Variants in TENT4A observed in about 807,000 individuals in gnomAD.
TENT4A encodes the protein terminal nucleotidyltransferase 4A.
TENT4A carries 7 observed loss-of-function variants against 72.8 expected under a neutral mutation model. That is an observed-to-expected ratio of 0.10 (90% CI 0.05 to 0.18). TENT4A has a LOEUF of 0.18. Among genes scored for constraint, TENT4A ranks in the 10% least tolerant of loss-of-function variants. The probability of loss-of-function intolerance (pLI) is 1.00; values close to 1 mark genes in which losing one functional copy is unlikely to be tolerated. For missense variants in TENT4A, 831 were observed against 1,017.7 expected (o/e 0.82, Z 2.50); for synonymous variants, 456 against 434.3 (o/e 1.05, Z -0.62).
At chr5:6,734,934 C>T (rs551488897) in intron 1 of TENT4A, among the ~76,000 whole-genome samples, 42 of 152,328 alleles carry the variant, frequency 2.8e-4, no homozygotes, top group Non-Finnish European at 4.9e-4. Flanking sequence ...GTGTTATCTC[C>T]GTGCTCTTCC....
chr5:6,716,173 G>C (rs1740377083), intron 1 of TENT4A, among the ~76,000 whole-genome samples: 1 of 152,172 alleles, frequency 6.6e-6, no homozygotes, highest in Admixed American at 6.5e-5. Context: ...GTTTCCTCCA[G>C]GTAACTCTAG....
In TENT4A at chr5:6,737,519, G is replaced by A; in HGVS notation, c.726G>A (p.Glu242=). The A allele has an allele frequency of 1.2e-6, 2 of 1,611,810 alleles. No homozygotes were observed. The highest frequency in any genetic ancestry group is 1.7e-6 in the Non-Finnish European group (2 of 1,178,708). ...CTTTTTTGTCCATTAGACTACATGA[G>A]GAAATAATTGACTTTTATAACTTCA... The part of the protein sequence containing the change: ...AYSPGIQGLH[E]EIIDFYNFMS... Residue 242 remains glutamate, a synonymous_variant, in exon 2 of 13, where the codon GAG becomes GAA. Transcript: ENST00000230859.
At chr5:6,747,707 C>T (rs1204103796) in intron 7 of TENT4A, among the ~76,000 whole-genome samples, 1 of 152,150 alleles carries the variant, frequency 6.6e-6, no homozygotes, top group African/African-American at 2.4e-5. Context: ...CCCACATAAT[C>T]GTTGAGTTAT....
At chr5:6,718,081 A>G (rs2126593597) in intron 1 of TENT4A, among the ~76,000 whole-genome samples, 1 of 152,324 alleles carries the variant, frequency 6.6e-6, no homozygotes. Flanking sequence ...CAGCAGGTGT[A>G]TGCAGCTTCC....
chr5:6,750,114 G>T (rs1009080838), intron 9 of TENT4A, among the ~76,000 whole-genome samples: 2 of 152,238 alleles, frequency 1.3e-5, no homozygotes, highest in Non-Finnish European at 2.9e-5. Context: ...CACAGTTGAA[G>T]ATGATTTGCA....
intron 6 of TENT4A, among the ~76,000 whole-genome samples, chr5:6,745,448 G>A (rs531578929): frequency 1.3e-5 from 2 of 152,318 alleles, no homozygotes; most frequent in African/African-American, 2.4e-5. Flanking sequence ...TGCATGGTCC[G>A]GCAAGGGGCA....
chr5:6,737,990 C>G (rs1250981621), intron 2 of TENT4A, among the ~76,000 whole-genome samples: 1 of 150,550 alleles, frequency 6.6e-6, no homozygotes, highest in Non-Finnish European at 1.5e-5. Flanking sequence ...AAATTTCACC[C>G]TGTCACCCAC....
At chr5:6,732,471 G>A (rs895757417) in intron 1 of TENT4A, among the ~76,000 whole-genome samples, 1 of 152,176 alleles carries the variant, frequency 6.6e-6, no homozygotes, top group African/African-American at 2.4e-5. Context: ...CATACAGCAA[G>A]CATATACCAG....
intron 1 of TENT4A, among the ~76,000 whole-genome samples, chr5:6,720,227 A>G (rs1740578040): frequency 6.6e-6 from 1 of 152,216 alleles, no homozygotes; most frequent in South Asian, 2.1e-4. Context: ...CCTGAAGGTC[A>G]TGTAGTAGTA....
chr5:6,730,413 G>A (rs1436959245), intron 1 of TENT4A, among the ~76,000 whole-genome samples: 2 of 152,158 alleles, frequency 1.3e-5, no homozygotes, highest in Non-Finnish European at 2.9e-5. Flanking sequence ...AATGTTAGTC[G>A]GTCTTAACCT....
At chr5:6,734,970 G>T (rs1741402426) in intron 1 of TENT4A, among the ~76,000 whole-genome samples, 1 of 152,216 alleles carries the variant, frequency 6.6e-6, no homozygotes, top group African/African-American at 2.4e-5. Flanking sequence ...AGCATCTCTT[G>T]ATAGTAGGGG....
At chr5:6,740,505 A>G (rs1217564692) in intron 4 of TENT4A, among the ~76,000 whole-genome samples, 1 of 152,180 alleles carries the variant, frequency 6.6e-6, no homozygotes, top group Non-Finnish European at 1.5e-5. Flanking sequence ...CTTGTGTGTG[A>G]TTCACATCCT....
intron 1 of TENT4A, among the ~76,000 whole-genome samples, chr5:6,722,029 C>G (rs1342761656): frequency 6.6e-6 from 1 of 152,220 alleles, no homozygotes; most frequent in African/African-American, 2.4e-5. Context: ...TTTGATGTTT[C>G]TGCATCAGAC....
At position 6,725,253 on chromosome 5, in the gene TENT4A, G is replaced by A. The variant is rs546430925; in HGVS notation, c.716+10554G>A. ...GGAGAATCTCTTGAATCCAGGAGGC[G>A]GAGGTTGCAGTGAGCCGAGATCACA... On this transcript the variant is annotated intron_variant, in intron 1 of 12. Coordinates refer to ENST00000230859, the MANE Select transcript of TENT4A (RefSeq NM_006999.6). 4.0e-5 allele frequency among the ~76,000 whole-genome samples: 6 copies of A among 151,772 alleles called. No individual in the cohort carries two copies. The East Asian group carries it at 9.7e-4, about 25-fold the overall frequency.
At chr5:6,724,612 G>A (rs1272903051) in intron 1 of TENT4A, among the ~76,000 whole-genome samples, 2 of 152,168 alleles carry the variant, frequency 1.3e-5, no homozygotes, top group Non-Finnish European at 2.9e-5. Context: ...ACTATTCAGG[G>A]AGATGAAAGC....
At chr5:6,745,486 G>A (rs917617837) in intron 6 of TENT4A, among the ~76,000 whole-genome samples, 6 of 152,188 alleles carry the variant, frequency 3.9e-5, no homozygotes, top group Admixed American at 3.9e-4. Context: ...ACTGAGTATT[G>A]CAGTGTGGCT....
chr5:6,753,980 T>C (rs1742555732), intron 12 of TENT4A, among the ~76,000 whole-genome samples: 1 of 152,198 alleles, frequency 6.6e-6, no homozygotes, highest in African/African-American at 2.4e-5. Flanking sequence ...CCGGCGTGTG[T>C]TCCCTCTCAG....
At chr5:6,735,317 A>G (rs1257760432) in intron 1 of TENT4A, among the ~76,000 whole-genome samples, 1 of 152,200 alleles carries the variant, frequency 6.6e-6, no homozygotes. Flanking sequence ...AGTAGGCCAC[A>G]TGGTGTAGTG....
At chr5:6,715,642 G>C (rs1398668540) in intron 1 of TENT4A, among the ~76,000 whole-genome samples, 1 of 152,230 alleles carries the variant, frequency 6.6e-6, no homozygotes, top group Non-Finnish European at 1.5e-5. Context: ...GTTGCATGCA[G>C]TAGAGTCCTA....
Sources: allele counts gnomAD v4.1 joint callset (sites outside exome capture counted in the v4.1 genomes callset), GRCh38; gene constraint gnomAD v4.1.1; transcripts MANE v1.5; gene names NCBI Gene and HGNC (gene_info 2026-07-23, HGNC 2026-07-21).